Variants in NEBL observed in about 807,000 individuals in gnomAD.
NEBL encodes the protein nebulette, also known as LIM and SH3 protein 2.
NEBL carries 122 observed loss-of-function variants against 140.2 expected under a neutral mutation model. That is an observed-to-expected ratio of 0.87 (90% confidence interval 0.75 to 1.01). The LOEUF (loss-of-function observed/expected upper bound fraction) is 1.01, where lower values mean the gene tolerates loss of function less well. NEBL is among the 50% of genes least tolerant of loss of function. The pLI is 0.00. For synonymous variants in NEBL, 436 were observed against 398.9 expected (o/e 1.09, Z -1.11); for missense variants, 1,365 against 1,231.3 (o/e 1.11, Z -1.62).
chr10:21,070,586 G>A (rs1040146031), intron 2 of NEBL, among the ~76,000 whole-genome samples: 1 of 151,828 alleles, frequency 6.6e-6, no homozygotes, highest in South Asian at 2.1e-4. Context: ...AACCTAAGTG[G>A]GCGATTAGAT....
In NEBL at chr10:21,163,804, CT is replaced by C. The variant is rs1398793385; in HGVS notation, c.164+8578del. 4.3e-3 allele frequency among the ~76,000 whole-genome samples: 658 copies of C among 152,312 alleles called. 3 individuals are homozygous for C. The highest frequency in any genetic ancestry group is 0.015 in the African/African-American group (613 of 41,562). ...ACACATCGAACTAGTTCTCTTCTGG[CT>C]CCTCCTAGAATTCAATAAGAATGAG... On this transcript the variant is annotated intron_variant, in intron 2 of 6. Transcript: ENST00000417816.
At chr10:21,236,092 G>T (rs185634312) in intron 3 of NEBL, among the ~76,000 whole-genome samples, 6 of 152,258 alleles carry the variant, frequency 3.9e-5, no homozygotes, top group African/African-American at 1.4e-4. Flanking sequence ...CCTCTGGAAT[G>T]ATTTTCTTTT....
intron 2 of NEBL, among the ~76,000 whole-genome samples, chr10:21,071,418 T>C (rs1487857619): frequency 6.6e-6 from 1 of 152,018 alleles, no homozygotes; most frequent in South Asian, 2.1e-4. Context: ...TTCAAAGCCC[T>C]ACAAAAGGAC....
intron 3 of NEBL, among the ~76,000 whole-genome samples, chr10:21,230,152 G>A (rs1382792801): frequency 1.3e-5 from 2 of 152,036 alleles, no homozygotes; most frequent in African/African-American, 4.8e-5. Context: ...AAATATACCT[G>A]TGAGATTCTC....
intron 2 of NEBL, among the ~76,000 whole-genome samples, chr10:21,083,586 A>T (rs571527223): frequency 9.9e-5 from 15 of 152,198 alleles, no homozygotes; most frequent in African/African-American, 3.6e-4. Flanking sequence ...GAGAGAGAAT[A>T]ACGCCAGTGT....
rs11012450 is a variant in NEBL at position 20,981,934 on chromosome 10, A to G, written c.250-20155T>C. ...AACCAACAATGCCAATGACAATTGG[A>G]GTTGAGATATCTGGCATTTCTAACA... On this transcript the variant is annotated intron_variant, in intron 3 of 6. Coordinates refer to the NEBL transcript ENST00000417816. 0.022 allele frequency among the ~76,000 whole-genome samples: 3,372 copies of G among 152,282 alleles called. 394 individuals are homozygous for G. The East Asian group carries it at 0.36, about 16-fold the overall frequency.
intron 4 of NEBL, among the ~76,000 whole-genome samples, chr10:20,960,740 T>C (rs540181389): frequency 6.6e-6 from 1 of 152,158 alleles, no homozygotes; most frequent in Non-Finnish European, 1.5e-5. Context: ...CATGTATACA[T>C]ACATCTCATG....
At chr10:21,112,529 A>T (rs1425158037) in intron 2 of NEBL, among the ~76,000 whole-genome samples, 2 of 150,974 alleles carry the variant, frequency 1.3e-5, no homozygotes, top group Non-Finnish European at 3.0e-5. Context: ...CATAGGTGGG[A>T]ACTGAACAAT....
At chr10:21,178,661 A>G (rs1355081470), upstream of NEBL, among the ~76,000 whole-genome samples, 1 of 152,342 alleles carries the variant, frequency 6.6e-6, no homozygotes, top group East Asian at 1.9e-4. Context: ...CATCACTTCA[A>G]TGCCCCAACA....
rs560114780 is a variant in NEBL, at chr10:21,134,500, C to A, written c.164+37883G>T. The stretch of plus-strand genomic sequence containing the variant: ...TATGTTTCCTAAATTTTAGAAGACA[C>A]TATTCAATCATGTAAACCCACATTA... On this transcript the variant is annotated intron_variant, in intron 2 of 6. Transcript: ENST00000417816. 3.3e-4 allele frequency among the ~76,000 whole-genome samples: 51 copies of A among 152,286 alleles called. 1 individual carries two copies. In the South Asian group the frequency reaches 0.01, roughly 31 times the overall value.
chr10:21,015,443 C>CGAAAAAGG (rs1838516831), intron 3 of NEBL, among the ~76,000 whole-genome samples: 1 of 151,886 alleles, frequency 6.6e-6, no homozygotes, highest in South Asian at 2.1e-4. Flanking sequence ...CTACACAGCC[C>CGAAAAAGG]GAAAAAGGGA....
At chr10:21,099,411 C>G (rs764195448) in intron 2 of NEBL, among the ~76,000 whole-genome samples, 1 of 152,144 alleles carries the variant, frequency 6.6e-6, no homozygotes, top group African/African-American at 2.4e-5. Flanking sequence ...CTTGCCATTG[C>G]TATTCCTGCC....
chr10:20,836,189 A>T (rs2130938637), intron 13 of NEBL, among the ~76,000 whole-genome samples: 1 of 151,564 alleles, frequency 6.6e-6, no homozygotes, highest in African/African-American at 2.4e-5. Flanking sequence ...ACATTTTGGT[A>T]ATACAATATT....
chr10:21,007,497 A>G (rs1838180372), intron 3 of NEBL, among the ~76,000 whole-genome samples: 1 of 152,258 alleles, frequency 6.6e-6, no homozygotes, highest in South Asian at 2.1e-4. Flanking sequence ...CTTCATTCTT[A>G]TAAGACTCTT....
At chr10:20,912,022 C>A (rs1848351581) in intron 4 of NEBL, among the ~76,000 whole-genome samples, 1 of 152,288 alleles carries the variant, frequency 6.6e-6, no homozygotes, top group East Asian at 1.9e-4. Context: ...TAAACACCAC[C>A]TTTATCTCCC....
intron 2 of NEBL, among the ~76,000 whole-genome samples, chr10:21,082,832 G>A (rs186745860): frequency 5.4e-5 from 7 of 129,094 alleles, no homozygotes; most frequent in Middle Eastern, 8.1e-3. Flanking sequence ...GCATATTCTC[G>A]GCTCACTGCA....
At chr10:21,181,870 T>G (rs1841394047) in intron 3 of NEBL, among the ~76,000 whole-genome samples, 2 of 152,186 alleles carry the variant, frequency 1.3e-5, no homozygotes, top group South Asian at 2.1e-4. Context: ...AAGAAAAACA[T>G]GTTGACTGGC....
intron 4 of NEBL, among the ~76,000 whole-genome samples, chr10:20,951,582 A>T (rs1176418096): frequency 6.6e-6 from 1 of 152,174 alleles, no homozygotes; most frequent in Non-Finnish European, 1.5e-5. Context: ...ATCTCTATAC[A>T]ATGTCTCCCT....
At chr10:21,033,858 A>G (rs895582266) in intron 2 of NEBL, among the ~76,000 whole-genome samples, 2 of 152,092 alleles carry the variant, frequency 1.3e-5, no homozygotes, top group Admixed American at 1.3e-4. Flanking sequence ...ACATCTTCAA[A>G]TAAATTATTT....
Sources: gnomAD v4.1 joint callset for allele counts (sites outside exome capture counted in the v4.1 genomes callset) on GRCh38, gnomAD v4.1.1 for gene constraint, MANE v1.5 for transcripts, NCBI Gene and HGNC (gene_info 2026-07-23, HGNC 2026-07-21) for gene names.